The following SAMD12 variants were observed in gnomAD, a reference collection of about 807,000 sequenced individuals.
SAMD12 encodes sterile alpha motif domain containing 12, also known as sterile alpha motif domain-containing protein 12.
SAMD12 carries 9 observed loss-of-function variants against 15.0 expected under a neutral mutation model. The ratio of observed to expected loss-of-function variants is 0.60; its 90% CI spans 0.36 to 1.05. SAMD12 has a LOEUF of 1.05. Among genes scored for constraint, SAMD12 ranks in the 50% least tolerant of loss-of-function variants. The pLI is 0.01. For synonymous variants in SAMD12, 86 were observed against 90.1 expected (o/e 0.96, Z 0.25); for missense variants, 230 against 234.2 (o/e 0.98, Z 0.12).
intron 4 of SAMD12, among the ~76,000 whole-genome samples, chr8:118,214,963 A>G (rs1332234717): frequency 2.0e-5 from 3 of 152,258 alleles, no homozygotes; most frequent in Admixed American, 2.0e-4. Context: ...CAAGGGGGCT[A>G]AGCTGCTACT....
chr8:118,274,668 GCTC>G (rs1389341811), intron 4 of SAMD12, among the ~76,000 whole-genome samples: 9 of 152,130 alleles, frequency 5.9e-5, no homozygotes, highest in African/African-American at 1.4e-4. Context: ...ACATTAAAAT[GCTC>G]CTATTTGTAA....
chr8:118,418,363 C>G (rs1821818495), intron 3 of SAMD12, among the ~76,000 whole-genome samples: 1 of 152,068 alleles, frequency 6.6e-6, no homozygotes, highest in African/African-American at 2.4e-5. Context: ...ACATCCAACT[C>G]AAATGTGTGC....
chr8:118,441,860 G>C (rs1027392855), intron 2 of SAMD12, among the ~76,000 whole-genome samples: 17 of 152,290 alleles, frequency 1.1e-4, no homozygotes, highest in South Asian at 6.2e-4. Flanking sequence ...CTGACCTTTG[G>C]AAACCAACCA....
At chr8:118,478,808 C>T (rs1389113237) in intron 2 of SAMD12, among the ~76,000 whole-genome samples, 1 of 152,208 alleles carries the variant, frequency 6.6e-6, no homozygotes, top group African/African-American at 2.4e-5. Context: ...TGTGCTGTTT[C>T]TCCCCAGCAG....
chr8:118,151,989 C>T, the SAMD12 span, among the ~76,000 whole-genome samples: 1 of 152,048 alleles, frequency 6.6e-6, no homozygotes, highest in Non-Finnish European at 1.5e-5. Flanking sequence ...ATCTGACCTA[C>T]CATCTTCCTA....
chr8:118,458,950 ATGTGTGTGTGTGTGTGTGTG>A (rs56067272), intron 2 of SAMD12, among the ~76,000 whole-genome samples: 2 of 149,270 alleles, frequency 1.3e-5, no homozygotes, highest in African/African-American at 4.9e-5. Flanking sequence ...TCAGCTATAT[ATGTGTGTGTGTGTGTGTGTG>A]TGTGTGTGTG....
intron 4 of SAMD12, among the ~76,000 whole-genome samples, chr8:118,367,411 A>G (rs1418044347): frequency 6.6e-6 from 1 of 152,228 alleles, no homozygotes; most frequent in African/African-American, 2.4e-5. Context: ...GTCTATACTT[A>G]TCCTCAAGAA....
intron 4 of SAMD12, among the ~76,000 whole-genome samples, chr8:118,339,147 T>C (rs573586761): frequency 2.6e-5 from 4 of 152,156 alleles, no homozygotes; most frequent in South Asian, 2.1e-4. Context: ...CTGGGCAACA[T>C]AGGGAGACCC....
intron 4 of SAMD12, among the ~76,000 whole-genome samples, chr8:118,296,686 C>T (rs1345080693): frequency 3.3e-4 from 50 of 152,190 alleles, no homozygotes; most frequent in Admixed American, 3.3e-3. Context: ...TGCCTTTCTA[C>T]CATGCCAATT....
intron 3 of SAMD12, among the ~76,000 whole-genome samples, chr8:118,392,252 C>T (rs1483093566): frequency 6.6e-6 from 1 of 152,098 alleles, no homozygotes; most frequent in Non-Finnish European, 1.5e-5. Flanking sequence ...CGTGGTGAAA[C>T]CTGTCTCTAC....
At chr8:118,434,414 C>A (rs987791046) in intron 3 of SAMD12, among the ~76,000 whole-genome samples, 2 of 152,174 alleles carry the variant, frequency 1.3e-5, no homozygotes, top group Admixed American at 1.3e-4. Context: ...ACATTCAAAG[C>A]AGCTTTTAAA....
At chr8:118,297,325 G>A (rs1814764357) in intron 4 of SAMD12, among the ~76,000 whole-genome samples, 1 of 152,096 alleles carries the variant, frequency 6.6e-6, no homozygotes, top group Non-Finnish European at 1.5e-5. Context: ...TCCCCAACTT[G>A]ATGATATAAC....
chr8:118,492,472 A>C (rs769564756), intron 2 of SAMD12, among the ~76,000 whole-genome samples: 10 of 152,188 alleles, frequency 6.6e-5, no homozygotes, highest in Non-Finnish European at 1.2e-4. Flanking sequence ...AATGGATAAA[A>C]GTTACTCGAT....
intron 4 of SAMD12, among the ~76,000 whole-genome samples, chr8:118,311,437 A>G (rs1279931602): frequency 6.6e-6 from 1 of 152,198 alleles, no homozygotes; most frequent in African/African-American, 2.4e-5. Context: ...AGTCATGGCA[A>G]CAGAAACTCT....
intron 4 of SAMD12, among the ~76,000 whole-genome samples, chr8:118,264,614 T>A (rs1813156461): frequency 6.6e-6 from 1 of 151,948 alleles, no homozygotes; most frequent in Admixed American, 6.6e-5. Flanking sequence ...ATGAAGTAAA[T>A]GTGCTAGAGT....
intron 4 of SAMD12, among the ~76,000 whole-genome samples, chr8:118,207,543 G>A (rs937346292): frequency 7.9e-5 from 12 of 152,024 alleles, no homozygotes; most frequent in East Asian, 3.9e-4. Flanking sequence ...ATTTCCCTCC[G>A]TCTCCACAAT....
chr8:118,384,316 T>G (rs757599615), intron 3 of SAMD12, among the ~76,000 whole-genome samples: 2 of 152,112 alleles, frequency 1.3e-5, no homozygotes, highest in Non-Finnish European at 2.9e-5. Flanking sequence ...AAGGATAACT[T>G]GGGCATGATA....
chr8:118,134,341 G>A, the SAMD12 span, among the ~76,000 whole-genome samples: 1 of 152,244 alleles, frequency 6.6e-6, no homozygotes, highest in Admixed American at 6.5e-5. Flanking sequence ...GCTTTCCCAT[G>A]AGGGGCTTTT....
chr8:118,318,015 T>A (rs983074945), intron 4 of SAMD12, among the ~76,000 whole-genome samples: 1 of 152,056 alleles, frequency 6.6e-6, no homozygotes, highest in Non-Finnish European at 1.5e-5. Flanking sequence ...CTTGCTCCTA[T>A]AGGAGTGGTC....
Sources: allele counts gnomAD v4.1 joint callset (sites outside exome capture counted in the v4.1 genomes callset), GRCh38; gene constraint gnomAD v4.1.1; transcripts MANE v1.5; gene names NCBI Gene and HGNC (gene_info 2026-07-23, HGNC 2026-07-21).